Variants in SRSF12 observed in about 807,000 individuals in gnomAD.
The protein encoded by SRSF12 is serine and arginine rich splicing factor 12, also known as serine/arginine-rich splicing factor 12.
A neutral mutation model predicts 34.1 loss-of-function variants in SRSF12; 21 were observed. The ratio of observed to expected loss-of-function variants is 0.62; its 90% CI spans 0.44 to 0.89. The LOEUF (loss-of-function observed/expected upper bound fraction) is 0.89, where lower values mean the gene tolerates loss of function less well. Among genes scored for constraint, SRSF12 ranks in the 40% least tolerant of loss-of-function variants. The pLI, the probability that SRSF12 is intolerant of heterozygous loss-of-function variation, is 0.00. For synonymous variants in SRSF12, 111 were observed against 110.8 expected (o/e 1.00, Z -0.01); for missense variants, 278 against 327.8 (o/e 0.85, Z 1.17).
At chr6:89,107,939 T>A (rs906543178) in intron 1 of SRSF12, among the ~76,000 whole-genome samples, 2 of 152,190 alleles carry the variant, frequency 1.3e-5, no homozygotes, top group African/African-American at 4.8e-5. Context: ...AGTAATTGTT[T>A]CACTAAGAAC....
At position 89,098,666 on chromosome 6, in the gene SRSF12, T is replaced by C. The variant is rs375570410; in HGVS notation, c.698A>G (p.Asn233Ser). The change falls in exon 5 of 5, where the codon AAT (asparagine) becomes AGT (serine). Residue 233 changes from asparagine to serine, a missense_variant. Transcript: ENST00000452027. ...TGCTGTTTGTACTTTAGTTTCAGAATTGGTATACCCTTTGGGAGATTTACA... is the reference window on the plus strand; with the variant it reads ...TGCTGTTTGTACTTTAGTTTCAGAACTGGTATACCCTTTGGGAGATTTACA... ...SPCKSPKGYT[N>S]SETKVQTAKH... 2 of 1,613,892 alleles carry C rather than the reference T, an allele frequency of 1.2e-6. No individual in the cohort carries two copies. Among genetic ancestry groups the C allele is most frequent in the African/African-American group, 1.3e-5 (1 of 74,944 alleles).
chr6:89,100,501 G>T (rs1768490839), intron 4 of SRSF12, among the ~76,000 whole-genome samples: 1 of 141,448 alleles, frequency 7.1e-6, no homozygotes, highest in Non-Finnish European at 1.5e-5. Flanking sequence ...ATAATTTTTT[G>T]TCCATGTCCA....
At position 89,097,412 on chromosome 6, in the gene SRSF12, T is replaced by C. The variant is rs749154248; in HGVS notation, c.*1166A>G. Reference sequence around the variant, plus strand: ...TTAGTTATAACAACTACAAAAGCAATAAATATCAATAAAGTTATTTGGCTG... The same window carrying C: ...TTAGTTATAACAACTACAAAAGCAACAAATATCAATAAAGTTATTTGGCTG... On this transcript the variant is annotated 3_prime_UTR_variant, in exon 5 of 5. Coordinates refer to ENST00000452027, the MANE Select transcript of SRSF12 (RefSeq NM_080743.5). 6.6e-6 allele frequency: 1 copy of C among 152,132 alleles called. No individual in the cohort carries two copies. Among genetic ancestry groups the C allele is most frequent in the Non-Finnish European group, 1.5e-5 (1 of 68,010 alleles). 9.4% of individuals were successfully genotyped at this position (152,132 alleles called of 1,614,324 possible).
At chr6:89,110,278 A>T (rs1768983326) in intron 1 of SRSF12, among the ~76,000 whole-genome samples, 1 of 152,248 alleles carries the variant, frequency 6.6e-6, no homozygotes, top group Non-Finnish European at 1.5e-5. Flanking sequence ...ATGAAAGCAC[A>T]GATTTATTGA....
intron 1 of SRSF12, among the ~76,000 whole-genome samples, chr6:89,114,617 A>G (rs1044951512): frequency 4.6e-5 from 7 of 150,798 alleles, no homozygotes; most frequent in Admixed American, 1.3e-4. Context: ...AAAAAAAAAA[A>G]GTGAAAAAAT....
Position 89,105,074 on chromosome 6 carries a change from C to T in SRSF12, c.416+45G>A, listed in dbSNP as rs199931325. On this transcript the variant is annotated intron_variant, in intron 4 of 4. Coordinates refer to ENST00000452027, the MANE Select transcript of SRSF12 (RefSeq NM_080743.5). ...CTATCAAAAAAATATATATCTATTTCCCAGAAAAAGTAGAAAATGAAATTT... is the reference window on the plus strand; with the variant it reads ...CTATCAAAAAAATATATATCTATTTTCCAGAAAAAGTAGAAAATGAAATTT... 1.1e-3 allele frequency: 1,708 copies of T among 1,538,990 alleles called. 6 individuals carry two copies. The highest frequency in any genetic ancestry group is 4.3e-3 in the Middle Eastern group (25 of 5,768).
chr6:89,112,445 TTC>T (rs202208729), intron 1 of SRSF12, among the ~76,000 whole-genome samples: 2 of 150,534 alleles, frequency 1.3e-5, no homozygotes, highest in Non-Finnish European at 1.5e-5. Flanking sequence ...TTTCTTTTCT[TTC>T]TTTTTTTTTT....
chr6:89,117,716 C>T (rs539757630), intron 1 of SRSF12, 107 bp downstream of exon 1: 11,594 of 1,151,324 alleles, frequency 0.01, 83 homozygotes, highest in South Asian at 0.017. Flanking sequence ...CGCGGGGAGG[C>T]TCCGCGCAGC....
chr6:89,110,643 A>C (rs1030772356), intron 1 of SRSF12, among the ~76,000 whole-genome samples: 4 of 151,816 alleles, frequency 2.6e-5, no homozygotes, highest in African/African-American at 9.7e-5. Flanking sequence ...TCTCCTTTTG[A>C]TTCAGTTCTA....
intron 1 of SRSF12, among the ~76,000 whole-genome samples, chr6:89,113,130 G>A (rs139093805): frequency 2.2e-4 from 33 of 152,246 alleles, no homozygotes; most frequent in African/African-American, 7.7e-4. Context: ...CTGAAATCAT[G>A]CTGCATATAT....
chr6:89,099,408 ATATATACATATATATATGTGTG>A (rs1331068665), intron 4 of SRSF12, among the ~76,000 whole-genome samples: 12 of 90,148 alleles, frequency 1.3e-4, no homozygotes, highest in African/African-American at 4.8e-4. Context: ...CTCTCCATAT[ATATATACATATATATATGTGTG>A]TATATATATA....
At position 89,096,929 on chromosome 6, in the gene SRSF12, T is replaced by C. The variant is rs1057188338; in HGVS notation, c.*1649A>G. Reference sequence around the variant, plus strand: ...GATTTTCAGTAGTGCCACATAATTTTATAACTAAATTTTATTATAGCGGAA... The same window carrying C: ...GATTTTCAGTAGTGCCACATAATTTCATAACTAAATTTTATTATAGCGGAA... On this transcript the variant is annotated 3_prime_UTR_variant, in exon 5 of 5. Coordinates refer to ENST00000452027, the MANE Select transcript of SRSF12 (RefSeq NM_080743.5). The C allele has an allele frequency of 3.3e-5, 5 of 152,262 alleles. No homozygotes were observed. The highest frequency in any genetic ancestry group is 7.2e-5 in the African/African-American group (3 of 41,476). 9.4% of individuals were successfully genotyped at this position (152,262 alleles called of 1,614,324 possible). A position where few individuals can be genotyped will look rare whatever the true frequency, so the allele number is the denominator to read the frequency against.
intron 4 of SRSF12, among the ~76,000 whole-genome samples, chr6:89,100,230 G>A (rs1290722956): frequency 6.6e-6 from 1 of 152,168 alleles, no homozygotes; most frequent in African/African-American, 2.4e-5. Flanking sequence ...CAAGAACTGC[G>A]CTGAAATTTT....
At chr6:89,113,690 C>T (rs1332200085) in intron 1 of SRSF12, among the ~76,000 whole-genome samples, 1 of 152,132 alleles carries the variant, frequency 6.6e-6, no homozygotes, top group Non-Finnish European at 1.5e-5. Context: ...ACTCTCACCC[C>T]CGGAGTGCAG....
At chr6:89,113,371 A>G (rs1769143809) in intron 1 of SRSF12, among the ~76,000 whole-genome samples, 1 of 152,034 alleles carries the variant, frequency 6.6e-6, no homozygotes, top group Non-Finnish European at 1.5e-5. Flanking sequence ...ACAGGGTTTC[A>G]CCATATTGGC....
At chr6:89,114,290 T>C (rs1417170309) in intron 1 of SRSF12, among the ~76,000 whole-genome samples, 1 of 152,052 alleles carries the variant, frequency 6.6e-6, no homozygotes, top group African/African-American at 2.4e-5. Context: ...TAGCCAGGCA[T>C]GGTGGCACAC....
At chr6:89,107,086 C>T in intron 2 of SRSF12, 68 bp downstream of exon 2, 1 of 1,311,260 alleles carries the variant, frequency 7.6e-7, no homozygotes, top group South Asian at 1.2e-5. Flanking sequence ...ACATATGCTA[C>T]TGAATACATA....
intron 2 of SRSF12, 33 bp from the exon 3 acceptor site, chr6:89,105,563 G>C (rs1256658561): frequency 7.0e-7 from 1 of 1,424,380 alleles, no homozygotes; most frequent in Non-Finnish European, 9.5e-7. Flanking sequence ...TTGAACATGA[G>C]ATATCAAGTA....
chr6:89,116,445 C>T (rs895692514), intron 1 of SRSF12, among the ~76,000 whole-genome samples: 4 of 152,158 alleles, frequency 2.6e-5, no homozygotes, highest in Admixed American at 6.5e-5. Context: ...TTAACCACAA[C>T]ATATAGTTGT....
Sources: allele counts gnomAD v4.1 joint callset (sites outside exome capture counted in the v4.1 genomes callset), GRCh38; gene constraint gnomAD v4.1.1; transcripts MANE v1.5; gene names NCBI Gene and HGNC (gene_info 2026-07-23, HGNC 2026-07-21).